The following GBE1 variants were observed in gnomAD, a reference collection of about 807,000 sequenced individuals.
The protein encoded by GBE1 is 1,4-alpha-glucan-branching enzyme.
GBE1 carries 70 observed loss-of-function variants against 88.8 expected under a neutral mutation model. That is an observed-to-expected ratio of 0.79 (90% CI 0.65 to 0.96). The LOEUF (loss-of-function observed/expected upper bound fraction) is 0.96. Ranked by LOEUF, GBE1 falls within the 40% of genes least tolerant of loss-of-function variation. The probability of loss-of-function intolerance (pLI) is 0.00; values close to 1 mark genes in which losing one functional copy is unlikely to be tolerated. For synonymous variants in GBE1, 284 were observed against 300.1 expected (o/e 0.95, Z 0.56); for missense variants, 872 against 871.0 (o/e 1.00, Z -0.01).
At chr3:81,608,022 T>G (rs1288641420) in intron 7 of GBE1, among the ~76,000 whole-genome samples, 1 of 152,230 alleles carries the variant, frequency 6.6e-6, no homozygotes, top group Non-Finnish European at 1.5e-5. Context: ...AACTGTGTAT[T>G]AACCCCACAA....
chr3:81,502,385 T>C (rs1702598938), intron 14 of GBE1, among the ~76,000 whole-genome samples: 1 of 152,152 alleles, frequency 6.6e-6, no homozygotes, highest in South Asian at 2.1e-4. Flanking sequence ...TTTCAAAACA[T>C]CAATTTAGAC....
At chr3:81,656,070 T>C (rs1205237054) in intron 3 of GBE1, among the ~76,000 whole-genome samples, 2 of 152,178 alleles carry the variant, frequency 1.3e-5, no homozygotes, top group Non-Finnish European at 2.9e-5. Context: ...CAATTTAACA[T>C]TAATGAAGCT....
intron 12 of GBE1, among the ~76,000 whole-genome samples, chr3:81,566,260 A>T (rs573484541): frequency 6.6e-5 from 10 of 152,288 alleles, no homozygotes; most frequent in Non-Finnish European, 1.3e-4. Context: ...TCATTTTAAG[A>T]TTCTTTTTCA....
intron 2 of GBE1, among the ~76,000 whole-genome samples, chr3:81,689,816 G>C (rs1705493510): frequency 6.6e-6 from 1 of 152,306 alleles, no homozygotes; most frequent in East Asian, 1.9e-4. Flanking sequence ...TGGGAAGTTA[G>C]TGTTGTTTGC....
At chr3:81,675,365 A>G (rs186675114) in intron 2 of GBE1, among the ~76,000 whole-genome samples, 5 of 152,208 alleles carry the variant, frequency 3.3e-5, no homozygotes, top group African/African-American at 1.2e-4. Flanking sequence ...GGGGTTGTAA[A>G]GCCCAGGAAG....
intron 7 of GBE1, among the ~76,000 whole-genome samples, chr3:81,625,099 G>A (rs1704393763): frequency 6.7e-6 from 1 of 149,244 alleles, no homozygotes; most frequent in African/African-American, 2.5e-5. Context: ...GAGGGAGGGG[G>A]AGGGGGAGGG....
intron 12 of GBE1, among the ~76,000 whole-genome samples, chr3:81,542,139 T>G (rs938850127): frequency 2.6e-5 from 4 of 152,106 alleles, no homozygotes; most frequent in Non-Finnish European, 4.4e-5. Context: ...AACTTGTTTT[T>G]GAACAAAGAT....
chr3:81,696,001 G>C (rs918655274), intron 2 of GBE1, among the ~76,000 whole-genome samples: 5 of 152,158 alleles, frequency 3.3e-5, no homozygotes, highest in Non-Finnish European at 5.9e-5. Flanking sequence ...GAACTGGCAA[G>C]CTATAATACA....
rs1186542929 is a variant in GBE1, at chr3:81,490,060, T to C, written c.*347A>G. On this transcript the variant is annotated 3_prime_UTR_variant, in exon 16 of 16. Coordinates refer to ENST00000429644, the MANE Select transcript of GBE1 (RefSeq NM_000158.4). ...AAATACTGTGTACATTTAACAGAAA[T>C]AATCATACATGACAAATGATTCAAA... 5 of 227,628 alleles carry C rather than the reference T, an allele frequency of 2.2e-5. No individual in the cohort carries two copies. The East Asian group carries it at 4.2e-4, about 19-fold the overall frequency. The allele number at this position is 227,628 out of a possible 1,614,324, so 14.1% of individuals were successfully genotyped here.
intron 14 of GBE1, among the ~76,000 whole-genome samples, chr3:81,509,033 A>G (rs933601544): frequency 6.6e-6 from 1 of 152,124 alleles, no homozygotes; most frequent in Non-Finnish European, 1.5e-5. Context: ...TGCTGTGGCT[A>G]TTATTACTAT....
At chr3:81,590,571 G>A (rs373623000) in intron 9 of GBE1, among the ~76,000 whole-genome samples, 16 of 152,048 alleles carry the variant, frequency 1.1e-4, no homozygotes, top group African/African-American at 3.4e-4. Flanking sequence ...TGAACATTTG[G>A]CAATCTGAGA....
chr3:81,500,396 T>G (rs1462996056), intron 14 of GBE1, among the ~76,000 whole-genome samples: 1 of 152,078 alleles, frequency 6.6e-6, no homozygotes. Flanking sequence ...ATCAAAGACA[T>G]GGCAAATAAT....
At chr3:81,558,568 T>C (rs1452345890) in intron 12 of GBE1, among the ~76,000 whole-genome samples, 3 of 151,996 alleles carry the variant, frequency 2.0e-5, no homozygotes, top group African/African-American at 7.2e-5. Flanking sequence ...CTTCTTACAA[T>C]TGAACTTTCC....
chr3:81,629,769 G>T (rs1397893539), intron 7 of GBE1, among the ~76,000 whole-genome samples: 1 of 151,968 alleles, frequency 6.6e-6, no homozygotes, highest in Non-Finnish European at 1.5e-5. Context: ...ACAACATGCA[G>T]GTTTGTTACA....
At chr3:81,548,445 T>C (rs1043183625) in intron 12 of GBE1, among the ~76,000 whole-genome samples, 21 of 151,510 alleles carry the variant, frequency 1.4e-4, no homozygotes, top group African/African-American at 4.6e-4. Context: ...CTTTGGGCTA[T>C]ATTTGTTTAA....
intron 12 of GBE1, among the ~76,000 whole-genome samples, chr3:81,571,826 T>A (rs1433227590): frequency 1.3e-5 from 2 of 152,208 alleles, no homozygotes; most frequent in Non-Finnish European, 2.9e-5. Context: ...ACAAAACAAC[T>A]TTTTTTAAAA....
intron 9 of GBE1, among the ~76,000 whole-genome samples, 200 bp downstream of exon 9, chr3:81,590,837 T>C (rs1349412042): frequency 6.6e-6 from 1 of 152,122 alleles, no homozygotes; most frequent in African/African-American, 2.4e-5. Flanking sequence ...TGACAAGTAA[T>C]TAGTATACAT....
chr3:81,669,203 G>T (rs1705154939), intron 3 of GBE1, among the ~76,000 whole-genome samples: 2 of 152,194 alleles, frequency 1.3e-5, no homozygotes, highest in Admixed American at 1.3e-4. Context: ...TTTCACAGCT[G>T]CAGCTGGTGC....
intron 1 of GBE1, among the ~76,000 whole-genome samples, chr3:81,743,843 A>G (rs892197343): frequency 2.0e-5 from 3 of 152,162 alleles, no homozygotes; most frequent in African/African-American, 7.2e-5. Flanking sequence ...TGGACTAGCC[A>G]TGCCAAGTAA....
Sources: allele counts gnomAD v4.1 joint callset (sites outside exome capture counted in the v4.1 genomes callset), GRCh38; gene constraint gnomAD v4.1.1; transcripts MANE v1.5; gene names NCBI Gene and HGNC (gene_info 2026-07-23, HGNC 2026-07-21).